PTPRU: variants seen among roughly 807,000 people sequenced by gnomAD.
PTPRU encodes the protein receptor-type tyrosine-protein phosphatase U.
PTPRU carries 69 observed loss-of-function variants against 166.3 expected under a neutral mutation model. The observed-to-expected ratio is 0.41, with a 90% CI of 0.34 to 0.51. The LOEUF is 0.51. PTPRU is among the 20% of genes least tolerant of loss of function. The pLI is 0.09. For missense variants in PTPRU, 1,657 were observed against 2,013.7 expected (o/e 0.82, Z 3.39); for synonymous variants, 793 against 814.0 (o/e 0.97, Z 0.44).
rs1446862039 is a variant in PTPRU, at chr1:29,283,964, A to G, written c.2167A>G (p.Ile723Val). Residue 723 changes from isoleucine (I) to valine (V), a missense_variant, in exon 13 of 30, where the codon ATT becomes GTT. Transcript: ENST00000373779. Reference protein sequence around the residue: ...KGETRLNCIRIARKAACKESK... With the variant: ...KGETRLNCIRVARKAACKESK... Reference sequence around the variant, plus strand: ...GGAGACCCGGCTGAATTGCATCCGCATTGCCAGGAAAGGTAAGTCCGCTGA... The same window carrying G: ...GGAGACCCGGCTGAATTGCATCCGCGTTGCCAGGAAAGGTAAGTCCGCTGA... 16 of 1,613,716 alleles carry G rather than the reference A, an allele frequency of 9.9e-6. No homozygotes were observed. The highest frequency in any genetic ancestry group is 1.4e-5 in the Non-Finnish European group (16 of 1,180,044).
intron 17 of PTPRU, 27 bp downstream of exon 17, chr1:29,304,876 C>T (rs1251346079): frequency 2.5e-6 from 4 of 1,584,516 alleles, no homozygotes; most frequent in Non-Finnish European, 3.5e-6. Context: ...GGCCTGGGGT[C>T]CAGGGCAGTG....
intron 13 of PTPRU, among the ~76,000 whole-genome samples, chr1:29,284,500 C>T (rs915787667): frequency 2.0e-5 from 3 of 152,058 alleles, no homozygotes; most frequent in South Asian, 2.1e-4. Flanking sequence ...AAGTGGGAAG[C>T]GAGGGAAGCT....
In PTPRU at chr1:29,325,035, C is replaced by T. The variant is rs1279894760; in HGVS notation, c.4113-156C>T. On this transcript the variant is annotated intron_variant, in intron 28 of 29. Coordinates refer to ENST00000373779, the MANE Select transcript of PTPRU (RefSeq NM_133178.4). Reference sequence around the variant, plus strand: ...CCCTCCTTTCTGTGTTCTCTAACTCCGCCCCTCACCTCTGGGCTCTCTGCC... The same window carrying T: ...CCCTCCTTTCTGTGTTCTCTAACTCTGCCCCTCACCTCTGGGCTCTCTGCC... 2.0e-5 allele frequency among the ~76,000 whole-genome samples: 3 copies of T among 151,154 alleles called. No individual in the cohort carries two copies. The East Asian group carries it at 5.9e-4, about 30-fold the overall frequency.
rs745943709 is a variant in PTPRU, at chr1:29,280,165, T to G, written c.1868+24T>G. On this transcript the variant is annotated intron_variant, in intron 11 of 29. Transcript: ENST00000373779. The surrounding 1 kb of genome is among the most constrained non-coding windows in gnomAD (Gnocchi z 4.2). ...AGGTGGGAAAGCGGGGACGGAGGGG[T>G]GGGAGTCCAGGGCCTTAGGAAAGAG... The G allele has an allele frequency of 1.9e-6, 3 of 1,582,852 alleles. No individual in the cohort carries two copies. In the Admixed American group the frequency reaches 5.0e-5, roughly 26 times the overall value.
At chr1:29,282,550 A>T in intron 11 of PTPRU, 126 bp from the exon 12 acceptor site, 1 of 1,298,480 alleles carries the variant, frequency 7.7e-7, no homozygotes, top group Non-Finnish European at 1.0e-6. Context: ...CCAGCTAGTA[A>T]GGAGCAGTGT....
chr1:29,289,497 G>A (rs1169574140), intron 14 of PTPRU, among the ~76,000 whole-genome samples: 1 of 152,022 alleles, frequency 6.6e-6, no homozygotes, highest in East Asian at 1.9e-4. Context: ...AAGGGCCTTG[G>A]GTCCTGGTCA....
chr1:29,292,259 T>C (rs992278821), intron 15 of PTPRU, among the ~76,000 whole-genome samples: 3 of 152,202 alleles, frequency 2.0e-5, no homozygotes, highest in Non-Finnish European at 2.9e-5. Context: ...CAAGGTCCAT[T>C]GTGACAGTCG....
intron 7 of PTPRU, 84 bp from the exon 8 acceptor site, chr1:29,275,364 G>A: frequency 7.2e-7 from 1 of 1,391,636 alleles, no homozygotes; most frequent in Middle Eastern, 2.5e-4. Flanking sequence ...TCAGGCAGCT[G>A]ACTGATGCTT....
intron 1 of PTPRU, among the ~76,000 whole-genome samples, chr1:29,249,599 G>A (rs1055354321): frequency 1.1e-4 from 17 of 152,328 alleles, no homozygotes; most frequent in Non-Finnish European, 2.5e-4. Flanking sequence ...CACTGAGCGC[G>A]GGGCTCAGGG....
intron 1 of PTPRU, among the ~76,000 whole-genome samples, chr1:29,249,558 G>T (rs1684457601): frequency 6.6e-6 from 1 of 152,230 alleles, no homozygotes; most frequent in South Asian, 2.1e-4. Context: ...CCCAGGCTTG[G>T]CCCAGGCTGC....
chr1:29,259,350 C>T lies in PTPRU; in HGVS notation c.559+8C>T, dbSNP rs1684918865. 6.2e-7 allele frequency: 1 copy of T among 1,613,562 alleles called. No individual in the cohort carries two copies. Among genetic ancestry groups the T allele is most frequent in the East Asian group, 2.2e-5 (1 of 44,854 alleles). ...TTCTCAGCTACCCCTGCGGTGAGTC[C>T]CAGCCCACTGGGGGCGCAGGGGTAA... On this transcript the variant is annotated splice_region_variant and intron_variant, in intron 4 of 29. Coordinates refer to ENST00000373779, the MANE Select transcript of PTPRU (RefSeq NM_133178.4).
intron 2 of PTPRU, 146 bp downstream of exon 2, chr1:29,255,552 T>A: frequency 8.2e-7 from 1 of 1,219,196 alleles, no homozygotes; most frequent in Non-Finnish European, 1.2e-6. Flanking sequence ...ACACTGAATG[T>A]GGCTTTCTCT....
intron 22 of PTPRU, among the ~76,000 whole-genome samples, chr1:29,313,631 G>A (rs1687767499): frequency 6.6e-6 from 1 of 152,168 alleles, no homozygotes; most frequent in South Asian, 2.1e-4. Context: ...CAAGGTGGGA[G>A]GATCATTTGA....
Position 29,259,467 on chromosome 1 carries a change from C to T in PTPRU, c.578C>T (p.Ser193Phe). The T allele has an allele frequency of 1.2e-6, 2 of 1,611,940 alleles. No individual in the cohort carries two copies. The highest frequency in any genetic ancestry group is 1.7e-6 in the Non-Finnish European group (2 of 1,178,714). Residue 193 changes from serine (S) to phenylalanine (F), a missense_variant, in exon 5 of 30, where the codon TCC becomes TTC. By Grantham distance (155) the Ser-to-Phe change is radical. Around this residue, in one of 3 missense-constraint regions of PTPRU, gnomAD observed 453 missense variants for 496.9 expected, o/e 0.91. Coordinates refer to ENST00000373779, the MANE Select transcript of PTPRU (RefSeq NM_133178.4). ...CCCGCAGCAAAGGCCCCACACTTCTCCCGCCTGGGCGACGTGGAGGTCAAC... is the reference window on the plus strand; with the variant it reads ...CCCGCAGCAAAGGCCCCACACTTCTTCCGCCTGGGCGACGTGGAGGTCAAC... The part of the protein sequence containing the change: ...SYPCAKAPHF[S>F]RLGDVEVNAG...
chr1:29,307,109 T>G, intron 18 of PTPRU: 1 of 1,613,086 alleles, frequency 6.2e-7, no homozygotes, highest in Non-Finnish European at 8.5e-7. Context: ...TTGTACTGTT[T>G]CCTCACTGGA....
intron 18 of PTPRU, chr1:29,307,169 C>T (rs1490839448): frequency 2.5e-6 from 4 of 1,571,418 alleles, no homozygotes; most frequent in Non-Finnish European, 2.6e-6. Flanking sequence ...CTCCCCTTCT[C>T]CTCCTCCTCC....
In PTPRU at chr1:29,317,656, T is replaced by G; in HGVS notation, c.3514-92T>G. ...CAGTTTCTCCATCCATAAAATGGGA[T>G]TAGTAACTCAGTCCAGCCTCCTTCA... On this transcript the variant is annotated intron_variant, in intron 24 of 29. Coordinates refer to ENST00000373779, the MANE Select transcript of PTPRU (RefSeq NM_133178.4). This position sits in a 1 kb window ranked among gnomAD's most constrained non-coding sequence, Gnocchi z 5.6. 1 of 1,350,872 alleles carries G rather than the reference T, an allele frequency of 7.4e-7. No individual in the cohort carries two copies. Among genetic ancestry groups the G allele is most frequent in the Non-Finnish European group, 1.0e-6 (1 of 991,638 alleles). 83.7% of individuals were successfully genotyped at this position (1,350,872 alleles called of 1,614,324 possible).
intron 24 of PTPRU, 117 bp downstream of exon 24, chr1:29,316,268 C>G (rs1470017024): frequency 1.6e-6 from 2 of 1,248,978 alleles, no homozygotes; most frequent in African/African-American, 3.0e-5. Flanking sequence ...CCTGAGGCCA[C>G]AGCTGGAGGG....
At position 29,311,255 on chromosome 1, in the gene PTPRU, A is replaced by C; in HGVS notation, c.2858-201A>C. ...TTCAGGATGAGCGGGCTCTTTAGCC[A>C]GGCCCTCTCCTGATGCTACCCAACC... On this transcript the variant is annotated intron_variant, in intron 19 of 29. Coordinates refer to ENST00000373779, the MANE Select transcript of PTPRU (RefSeq NM_133178.4). The surrounding 1 kb of genome is among the most constrained non-coding windows in gnomAD (Gnocchi z 4.1). 5 of 605,928 alleles carry C rather than the reference A, an allele frequency of 8.3e-6. No homozygotes were observed. The South Asian group carries it at 9.9e-5, about 12-fold the overall frequency. 37.5% of individuals were successfully genotyped at this position (605,928 alleles called of 1,614,324 possible).
Sources: allele counts gnomAD v4.1 joint callset (sites outside exome capture counted in the v4.1 genomes callset), GRCh38; gene constraint gnomAD v4.1.1; regional missense constraint gnomAD v4.1.1; non-coding constraint Gnocchi (gnomAD v3.1); transcripts MANE v1.5; gene names NCBI Gene and HGNC (gene_info 2026-07-23, HGNC 2026-07-21).